ARIH2: variants seen among roughly 807,000 people sequenced by gnomAD.
The protein encoded by ARIH2 is E3 ubiquitin-protein ligase ARIH2.
Under a neutral mutation model 79.8 loss-of-function variants are expected in ARIH2, and 12 were observed. The observed-to-expected ratio is 0.15, with a 90% CI of 0.10 to 0.24. ARIH2 has a LOEUF of 0.24. Ranked by LOEUF, ARIH2 falls within the 10% of genes least tolerant of loss-of-function variation. The pLI, the probability that ARIH2 is intolerant of heterozygous loss-of-function variation, is 1.00. For synonymous variants in ARIH2, 224 were observed against 213.9 expected (o/e 1.05, Z -0.41); for missense variants, 301 against 618.3 (o/e 0.49, Z 5.44).
Position 48,918,986 on chromosome 3 carries a change from G to C in ARIH2, c.-174G>C. 6.9e-7 allele frequency: 1 copy of C among 1,454,198 alleles called. No homozygotes were observed. Among genetic ancestry groups the C allele is most frequent in the Non-Finnish European group, 9.0e-7 (1 of 1,110,304 alleles). The allele number at this position is 1,454,198 out of a possible 1,614,324, so 90.1% of individuals were successfully genotyped here. A position where few individuals can be genotyped will look rare whatever the true frequency, so the allele number is the denominator to read the frequency against. On this transcript the variant is annotated 5_prime_UTR_variant, in exon 1 of 16. Transcript: ENST00000356401. ...CTTGTTCGGGCTCAGCGGCCGCGAGGCCGCAGCTCCCGGTAAGTGCGCGGC... is the reference window on the plus strand; with the variant it reads ...CTTGTTCGGGCTCAGCGGCCGCGAGCCCGCAGCTCCCGGTAAGTGCGCGGC...
chr3:48,965,062 TCTTTA>T, intron 5 of ARIH2, 80 bp downstream of exon 5: 1 of 1,387,870 alleles, frequency 7.2e-7, no homozygotes, highest in East Asian at 2.4e-5. Flanking sequence ...TTAAGAGCTA[TCTTTA>T]CTTGGCTGGG....
At chr3:48,974,177 C>T (rs1165009265) in intron 9 of ARIH2, among the ~76,000 whole-genome samples, 1 of 152,224 alleles carries the variant, frequency 6.6e-6, no homozygotes, top group African/African-American at 2.4e-5. Context: ...CAAGCCCAGA[C>T]CTGCACGATA....
intron 2 of ARIH2, 37 bp from the exon 3 acceptor site, chr3:48,927,425 G>A (rs1296568915): frequency 2.7e-6 from 3 of 1,132,066 alleles, no homozygotes; most frequent in Non-Finnish European, 2.5e-6. Flanking sequence ...CTTGTCATGG[G>A]GAAAAAGTAA....
At chr3:48,954,298 A>G (rs1315238026) in intron 3 of ARIH2, among the ~76,000 whole-genome samples, 1 of 151,562 alleles carries the variant, frequency 6.6e-6, no homozygotes, top group Non-Finnish European at 1.5e-5. Context: ...CTACTAAGGC[A>G]TCGTGGTGGG....
chr3:48,940,875 ATATATT>A (rs1294401538), intron 3 of ARIH2, among the ~76,000 whole-genome samples: 1 of 150,078 alleles, frequency 6.7e-6, no homozygotes, highest in Non-Finnish European at 1.5e-5. Flanking sequence ...CAATCAAAAA[ATATATT>A]TGTGCAGGCT....
intron 6 of ARIH2, 57 bp downstream of exon 6, chr3:48,967,332 G>A (rs1576461256): frequency 5.1e-6 from 8 of 1,558,200 alleles, no homozygotes; most frequent in Non-Finnish European, 7.0e-6. Context: ...CTTTGACTCT[G>A]CCTTTTCATG....
rs868808645 is a variant in ARIH2, at chr3:48,939,562, C to T, written c.255+11749C>T. Among the ~76,000 whole-genome samples the T allele has an allele frequency of 6.0e-5, 9 of 150,246 alleles. 1 individual carries two copies. The Middle Eastern group carries it at 0.01, about 174-fold the overall frequency. ...CATGAGGTCAGGAGATAGAGACCATCCCGGCTAACACAGTGAAACCCTGTC... is the reference window on the plus strand; with the variant it reads ...CATGAGGTCAGGAGATAGAGACCATTCCGGCTAACACAGTGAAACCCTGTC... On this transcript the variant is annotated intron_variant, in intron 3 of 15. Transcript: ENST00000356401.
At chr3:48,961,373 AATT>A (rs1244035618) in intron 3 of ARIH2, among the ~76,000 whole-genome samples, 1 of 152,186 alleles carries the variant, frequency 6.6e-6, no homozygotes, top group Non-Finnish European at 1.5e-5. Context: ...TTTCAGATAA[AATT>A]AATTTTCTTG....
intron 11 of ARIH2, among the ~76,000 whole-genome samples, chr3:48,978,667 A>G (rs143811715): frequency 1.9e-3 from 289 of 151,574 alleles, no homozygotes; most frequent in Admixed American, 3.9e-3. Context: ...GTTTTATAGA[A>G]ATGTGTTATT....
At chr3:48,969,450 G>A (rs1409934731) in intron 7 of ARIH2, among the ~76,000 whole-genome samples, 3 of 151,390 alleles carry the variant, frequency 2.0e-5, no homozygotes, top group Admixed American at 6.6e-5. Context: ...TAGGCCTGCT[G>A]ATTCCATGCA....
chr3:48,924,636 C>G (rs2106858657), intron 2 of ARIH2: 1 of 152,320 alleles, frequency 6.6e-6, no homozygotes, highest in Non-Finnish European at 1.5e-5. Context: ...CTGCCTCAGC[C>G]TCCCAAGTAG....
intron 3 of ARIH2, among the ~76,000 whole-genome samples, chr3:48,951,575 G>A (rs1007465711): frequency 7.9e-5 from 12 of 152,202 alleles, no homozygotes; most frequent in Non-Finnish European, 1.5e-4. Flanking sequence ...GGTGGGAAGG[G>A]TTTCGATCAT....
rs2085822037 is a variant in ARIH2, at chr3:48,927,702, G to A, written c.144G>A (p.Gln48=). The change falls in exon 3 of 16, where the codon CAG becomes CAA. Residue 48 remains glutamine (Q), a synonymous_variant. Transcript: ENST00000356401. ...YYVGVASDVE[Q]QGADAFDPEE... ...TGGGAGTAGCCAGCGATGTGGAGCAGCAGGGGGCTGATGCCTTTGATCCCG... is the reference window on the plus strand; with the variant it reads ...TGGGAGTAGCCAGCGATGTGGAGCAACAGGGGGCTGATGCCTTTGATCCCG... The A allele has an allele frequency of 3.1e-6, 5 of 1,614,204 alleles. No homozygotes were observed. The highest frequency in any genetic ancestry group is 3.4e-6 in the Non-Finnish European group (4 of 1,180,022).
chr3:48,961,637 T>C lies in ARIH2; in HGVS notation c.281T>C (p.Ile94Thr). Residue 94 changes from isoleucine to threonine, a missense_variant, in exon 4 of 16, where the codon ATA becomes ACA. Physicochemically the swap from Ile to Thr is moderately conservative, Grantham distance 89 (BLOSUM62 -1). Coordinates refer to ENST00000356401, the MANE Select transcript of ARIH2 (RefSeq NM_006321.4). ...GTATCTCATTCAGTTGCTAAACTTA[T>C]ATTAGTTAATTTCCACTGGCAAGTT... ...LKVSHSVAKL[I>T]LVNFHWQVSE... 2 of 1,609,656 alleles carry C rather than the reference T, an allele frequency of 1.2e-6. No individual in the cohort carries two copies. The highest frequency in any genetic ancestry group is 2.2e-5 in the East Asian group (1 of 44,854).
At position 48,918,938 on chromosome 3, in the gene ARIH2, T is replaced by C; in HGVS notation, c.-222T>C. The C allele has an allele frequency of 6.4e-7, 1 of 1,574,790 alleles. No individual in the cohort carries two copies. Among genetic ancestry groups the C allele is most frequent in the African/African-American group, 1.4e-5 (1 of 74,042 alleles). On this transcript the variant is annotated 5_prime_UTR_variant, in exon 1 of 16. Transcript: ENST00000356401. ...CCGCTTCGCCCCAATCCGGTCCCTCTGGCCCGGCCTGACCCGGTCTGGCTT... is the reference window on the plus strand; with the variant it reads ...CCGCTTCGCCCCAATCCGGTCCCTCCGGCCCGGCCTGACCCGGTCTGGCTT...
chr3:48,958,843 T>C (rs2090915411), intron 3 of ARIH2, among the ~76,000 whole-genome samples: 1 of 152,010 alleles, frequency 6.6e-6, no homozygotes, highest in Non-Finnish European at 1.5e-5. Flanking sequence ...GGAGAAACCA[T>C]GTCTCTACAA....
intron 11 of ARIH2, among the ~76,000 whole-genome samples, chr3:48,976,634 G>A (rs890851150): frequency 6.6e-6 from 1 of 152,128 alleles, no homozygotes; most frequent in Admixed American, 6.5e-5. Context: ...ACATTCTTTC[G>A]CTCTCTTTTT....
rs1161895219 is a variant in ARIH2 at position 48,982,970 on chromosome 3, T to C, written c.1401T>C (p.Tyr467=). Reference sequence around the variant, plus strand: ...GGAAAGTGGAGCGTGCAGACAGCTATGACAGAGGGGTAAGTGCCTACTGTC... The same window carrying C: ...GGAAAGTGGAGCGTGCAGACAGCTACGACAGAGGGGTAAGTGCCTACTGTC... ...LSWKVERADS[Y]DRGDLENQMH... The change falls in exon 15 of 16, where the codon TAT becomes TAC. Residue 467 remains tyrosine, a synonymous_variant. Transcript: ENST00000356401. 8.7e-6 allele frequency: 14 copies of C among 1,614,080 alleles called. No individual in the cohort carries two copies. The highest frequency in any genetic ancestry group is 1.2e-5 in the Non-Finnish European group (14 of 1,180,022).
intron 1 of ARIH2, among the ~76,000 whole-genome samples, chr3:48,920,900 A>G (rs2084723619): frequency 1.4e-5 from 1 of 72,192 alleles, no homozygotes; most frequent in African/African-American, 4.3e-5. Flanking sequence ...AAAAAAAAAA[A>G]GAAAGAAAAG....
Sources: gnomAD v4.1 joint callset for allele counts (sites outside exome capture counted in the v4.1 genomes callset) on GRCh38, gnomAD v4.1.1 for gene constraint, MANE v1.5 for transcripts, NCBI Gene and HGNC (gene_info 2026-07-23, HGNC 2026-07-21) for gene names.